Variants in FCRL5 observed in about 807,000 individuals in gnomAD.
The protein encoded by FCRL5 is Fc receptor-like protein 5.
Under a neutral mutation model 92.1 loss-of-function variants are expected in FCRL5, and 79 were observed. The ratio of observed to expected loss-of-function variants is 0.86; its 90% CI spans 0.72 to 1.03. The LOEUF (loss-of-function observed/expected upper bound fraction) is 1.03, where lower values mean the gene tolerates loss of function less well. Among genes scored for constraint, FCRL5 ranks in the 50% least tolerant of loss-of-function variants. The pLI, the probability that FCRL5 is intolerant of heterozygous loss-of-function variation, is 0.00. For synonymous variants in FCRL5, 466 were observed against 469.3 expected (o/e 0.99, Z 0.09); for missense variants, 1,160 against 1,181.1 (o/e 0.98, Z 0.26).
intron 7 of FCRL5, among the ~76,000 whole-genome samples, chr1:157,538,509 G>A (rs557493097): frequency 1.3e-5 from 2 of 152,348 alleles, no homozygotes; most frequent in African/African-American, 4.8e-5. Flanking sequence ...ATTAAGCCAA[G>A]CAAGTAGAGG....
In FCRL5 at chr1:157,524,574, G is replaced by A. The variant is rs189920750; in HGVS notation, c.1961-17C>T. On this transcript the variant is annotated splice_polypyrimidine_tract_variant and intron_variant, in intron 9 of 16. Transcript: ENST00000361835. ...ATACTGGAACTGAGGGAGGAAAAACGTTATGTATCAGCTGCTTCTGCTAAA... is the reference window on the plus strand; with the variant it reads ...ATACTGGAACTGAGGGAGGAAAAACATTATGTATCAGCTGCTTCTGCTAAA... The A allele has an allele frequency of 2.5e-5, 39 of 1,562,054 alleles. No individual in the cohort carries two copies. The highest frequency in any genetic ancestry group is 1.7e-4 in the Middle Eastern group (1 of 5,802).
At chr1:157,537,521 C>T (rs1393996050) in intron 7 of FCRL5, among the ~76,000 whole-genome samples, 1 of 152,176 alleles carries the variant, frequency 6.6e-6, no homozygotes, top group Non-Finnish European at 1.5e-5. Flanking sequence ...CGCCCCGGTC[C>T]TGTGGTCCTG....
chr1:157,530,169 A>C (rs1353518759), intron 8 of FCRL5, among the ~76,000 whole-genome samples: 2 of 152,182 alleles, frequency 1.3e-5, no homozygotes, highest in African/African-American at 4.8e-5. Context: ...ACACACGTGC[A>C]TGGGATCACA....
At chr1:157,516,007 G>T in intron 15 of FCRL5, 134 bp from the exon 16 acceptor site, 1 of 946,694 alleles carries the variant, frequency 1.1e-6, no homozygotes, top group Non-Finnish European at 1.7e-6. Context: ...ATTCCTCTTA[G>T]TTGGTGCTCA....
chr1:157,517,687 C>A (rs1174825596), intron 15 of FCRL5, among the ~76,000 whole-genome samples: 1 of 152,098 alleles, frequency 6.6e-6, no homozygotes, highest in Non-Finnish European at 1.5e-5. Context: ...GACTTCTGAC[C>A]CACAGAGCTG....
intron 3 of FCRL5, among the ~76,000 whole-genome samples, chr1:157,545,775 G>T (rs769045221): frequency 2.6e-5 from 4 of 152,062 alleles, no homozygotes; most frequent in Admixed American, 2.0e-4. Flanking sequence ...TGATCCACCC[G>T]CCTTGGCCTT....
At chr1:157,546,641 G>C (rs1245944950) in intron 3 of FCRL5, among the ~76,000 whole-genome samples, 3 of 152,160 alleles carry the variant, frequency 2.0e-5, no homozygotes, top group Non-Finnish European at 4.4e-5. Context: ...TAGGTCCTGA[G>C]TATCTGTATG....
At chr1:157,528,957 G>T (rs531827767) in intron 8 of FCRL5, among the ~76,000 whole-genome samples, 1 of 152,260 alleles carries the variant, frequency 6.6e-6, no homozygotes, top group East Asian at 1.9e-4. Context: ...ATAATAAATA[G>T]ATGGGTCTGA....
Position 157,542,943 on chromosome 1 carries a change from T to C in FCRL5, c.1039A>G (p.Thr347Ala). The change falls in exon 6 of 17, where the codon ACA (threonine) becomes GCA (alanine). Residue 347 changes from threonine to alanine, a missense_variant. Thr to Ala is a moderately conservative substitution (Grantham distance 58, BLOSUM62 0). Coordinates refer to ENST00000361835, the MANE Select transcript of FCRL5 (RefSeq NM_031281.3). ...RGASISFSLT[T>A]ENSGNYYCTA... ...CAGTAGTAGTTCCCTGAATTCTCTG[T>C]AGTCAGTGAGAAGCTGATGGATGCT... The C allele has an allele frequency of 6.2e-7, 1 of 1,614,206 alleles. No homozygotes were observed.
At chr1:157,552,280 A>G in intron 1 of FCRL5, 52 bp downstream of exon 1, 1 of 1,580,122 alleles carries the variant, frequency 6.3e-7, no homozygotes, top group South Asian at 1.1e-5. Context: ...TGCGGTGGAG[A>G]GAGAAGCTGT....
At chr1:157,523,228 T>G (rs758682540) in intron 10 of FCRL5, among the ~76,000 whole-genome samples, 3 of 152,232 alleles carry the variant, frequency 2.0e-5, no homozygotes, top group Non-Finnish European at 4.4e-5. Flanking sequence ...ACTGGAATGG[T>G]GATTGCATAC....
At chr1:157,545,627 C>T (rs1192262130) in intron 3 of FCRL5, among the ~76,000 whole-genome samples, 2 of 140,450 alleles carry the variant, frequency 1.4e-5, no homozygotes, top group Non-Finnish European at 3.0e-5. Context: ...CTCCCGGGTT[C>T]ATGCCATTCT....
intron 8 of FCRL5, among the ~76,000 whole-genome samples, chr1:157,529,254 C>G (rs1480359723): frequency 2.6e-5 from 4 of 152,158 alleles, no homozygotes; most frequent in African/African-American, 9.7e-5. Context: ...GCGATACCAC[C>G]TTACTCCTGC....
At chr1:157,543,733 T>A (rs1212369219) in intron 5 of FCRL5, among the ~76,000 whole-genome samples, 1 of 152,196 alleles carries the variant, frequency 6.6e-6, no homozygotes, top group African/African-American at 2.4e-5. Flanking sequence ...GGAAGGATGG[T>A]GCTGTATACT....
chr1:157,517,812 C>T (rs1427813990), intron 15 of FCRL5, among the ~76,000 whole-genome samples: 1 of 152,156 alleles, frequency 6.6e-6, no homozygotes, highest in Non-Finnish European at 1.5e-5. Flanking sequence ...TTGTGTTGCT[C>T]TCCAAATGTA....
intron 7 of FCRL5, among the ~76,000 whole-genome samples, chr1:157,538,032 C>T (rs537078954): frequency 7.9e-5 from 12 of 152,246 alleles, no homozygotes; most frequent in African/African-American, 2.9e-4. Flanking sequence ...GATGTCACTA[C>T]ATCTAGGTGT....
chr1:157,520,644 G>A, intron 11 of FCRL5, 97 bp from the exon 12 acceptor site: 2 of 876,378 alleles, frequency 2.3e-6, no homozygotes, highest in Non-Finnish European at 3.6e-6. Context: ...GTGAACCTAG[G>A]TGAGCAGGTC....
chr1:157,547,718 G>A (rs1651623601), intron 2 of FCRL5, among the ~76,000 whole-genome samples: 5 of 152,184 alleles, frequency 3.3e-5, no homozygotes. Flanking sequence ...GAGCAAGGAA[G>A]GGACAAGTCA....
chr1:157,518,648 T>C, intron 14 of FCRL5, 52 bp downstream of exon 14: 1 of 1,557,732 alleles, frequency 6.4e-7, no homozygotes, highest in Non-Finnish European at 8.8e-7. Context: ...CCCCACCGCT[T>C]TCCCACACCA....
Sources: gnomAD v4.1 joint callset for allele counts (sites outside exome capture counted in the v4.1 genomes callset) on GRCh38, gnomAD v4.1.1 for gene constraint, MANE v1.5 for transcripts, NCBI Gene and HGNC (gene_info 2026-07-23, HGNC 2026-07-21) for gene names.